ACSM3: variants seen among roughly 807,000 people sequenced by gnomAD.
ACSM3 encodes the protein acyl-coenzyme A synthetase ACSM3, mitochondrial.
ACSM3 carries 61 observed loss-of-function variants against 74.1 expected under a neutral mutation model. The ratio of observed to expected loss-of-function variants is 0.82; its 90% CI spans 0.67 to 1.02. ACSM3 has a LOEUF of 1.02. Among genes scored for constraint, ACSM3 ranks in the 50% least tolerant of loss-of-function variants. The pLI is 0.00. For synonymous variants in ACSM3, 213 were observed against 241.5 expected, an observed-to-expected ratio of 0.88 and a Z score of 1.09; for missense variants, 660 against 697.0, an observed-to-expected ratio of 0.95 and a Z score of 0.60.
At chr16:20,728,574 A>C in intron 1 of ACSM3, 4 of 476,210 alleles carry the variant, frequency 8.4e-6, no homozygotes, top group Non-Finnish European at 1.1e-5. Flanking sequence ...ATGTAACCTC[A>C]GGCAAGCAAC....
intron 1 of ACSM3, among the ~76,000 whole-genome samples, chr16:20,746,889 A>G (rs950869362): frequency 1.3e-5 from 2 of 152,138 alleles, no homozygotes; most frequent in South Asian, 2.1e-4. Flanking sequence ...TTGAGGGCCT[A>G]TGTTCTTAAG....
intron 1 of ACSM3, chr16:20,720,882 A>T (rs1188803573): frequency 1.3e-5 from 2 of 152,258 alleles, no homozygotes; most frequent in Non-Finnish European, 1.5e-5. Flanking sequence ...ATGCTGACTT[A>T]CAGATTAAAC....
chr16:20,791,943 T>A (rs1275645443), intron 10 of ACSM3, 59 bp from the exon 11 acceptor site: 20 of 1,535,062 alleles, frequency 1.3e-5, no homozygotes, highest in African/African-American at 7.0e-5. Flanking sequence ...AAAAAAAAAA[T>A]TCCAATTGAC....
intron 1 of ACSM3, chr16:20,734,713 A>C (rs1314496589): frequency 6.6e-6 from 1 of 152,196 alleles, no homozygotes; most frequent in East Asian, 1.9e-4. Context: ...TTTTACCCAA[A>C]AAGAGGCCTT....
chr16:20,741,481 G>GGGGGGGGGGGGGGCCCCC, intron 1 of ACSM3: 6 of 1,308,410 alleles, frequency 4.6e-6, no homozygotes, highest in East Asian at 3.2e-5. Context: ...CTGGCAGCCG[G>GGGGGGGGGGGGGGCCCCC]CCCGCCCGCC....
chr16:20,791,681 C>CT (rs2080600854), intron 10 of ACSM3, among the ~76,000 whole-genome samples: 1 of 152,192 alleles, frequency 6.6e-6, no homozygotes, highest in African/African-American at 2.4e-5. Context: ...AATCTCAGCA[C>CT]TTTGGGAGGC....
intron 1 of ACSM3, among the ~76,000 whole-genome samples, chr16:20,732,053 A>G (rs979452541): frequency 5.3e-5 from 8 of 152,200 alleles, no homozygotes; most frequent in African/African-American, 1.9e-4. Flanking sequence ...CACTTGACTC[A>G]TCTATCCTAG....
intron 1 of ACSM3, among the ~76,000 whole-genome samples, chr16:20,731,331 G>T (rs754306708): frequency 6.6e-6 from 1 of 152,196 alleles, no homozygotes; most frequent in Non-Finnish European, 1.5e-5. Flanking sequence ...AGCAAAGACT[G>T]CCTGTGAAAT....
chr16:20,756,239 C>T (rs2080030610), intron 3 of ACSM3, among the ~76,000 whole-genome samples: 1 of 151,914 alleles, frequency 6.6e-6, no homozygotes, highest in African/African-American at 2.4e-5. Flanking sequence ...AACTAGTTTA[C>T]AGTCCCACCA....
At chr16:20,753,542 T>G (rs1194206367) in intron 2 of ACSM3, among the ~76,000 whole-genome samples, 2 of 151,984 alleles carry the variant, frequency 1.3e-5, no homozygotes, top group Non-Finnish European at 2.9e-5. Flanking sequence ...TATGGCTTTT[T>G]CAGGTATTAA....
chr16:20,707,050 C>A (rs1418320789), intron 1 of ACSM3, among the ~76,000 whole-genome samples: 1 of 152,096 alleles, frequency 6.6e-6, no homozygotes. Context: ...AGTCACATTG[C>A]AAATCCTGAA....
At chr16:20,708,257 C>T (rs1351989195) in intron 1 of ACSM3, among the ~76,000 whole-genome samples, 4 of 152,098 alleles carry the variant, frequency 2.6e-5, no homozygotes, top group Non-Finnish European at 4.4e-5. Context: ...GCTGAGATCA[C>T]GCCACTGCAC....
chr16:20,760,788 A>T (rs1232467060), upstream of ACSM3, among the ~76,000 whole-genome samples: 2 of 152,188 alleles, frequency 1.3e-5, no homozygotes, highest in Non-Finnish European at 2.9e-5. Context: ...AGTTGATTTC[A>T]TTAATTCCTT....
chr16:20,718,014 GAAGAAGAAGAAGAAAAGA>G (rs1567323314), intron 1 of ACSM3, among the ~76,000 whole-genome samples: 1 of 146,284 alleles, frequency 6.8e-6, no homozygotes, highest in African/African-American at 2.6e-5. Context: ...AGAAGAAGAA[GAAGAAGAAGAAGAAAAGA>G]AAGAAGAAGA....
intron 1 of ACSM3, among the ~76,000 whole-genome samples, chr16:20,682,638 A>G (rs2079471190): frequency 6.6e-6 from 1 of 152,222 alleles, no homozygotes; most frequent in Admixed American, 6.5e-5. Flanking sequence ...TCAAACCTAC[A>G]GAATCAGAAT....
At chr16:20,682,894 T>C (rs1347413075) in intron 1 of ACSM3, among the ~76,000 whole-genome samples, 1 of 152,100 alleles carries the variant, frequency 6.6e-6, no homozygotes, top group Non-Finnish European at 1.5e-5. Flanking sequence ...TCATCTTGAA[T>C]GTCCCCTCTT....
chr16:20,717,700 A>G (rs905279057), intron 1 of ACSM3, among the ~76,000 whole-genome samples: 1 of 152,162 alleles, frequency 6.6e-6, no homozygotes, highest in African/African-American at 2.4e-5. Context: ...ATTTTTCTAA[A>G]AAGCACTTGG....
chr16:20,697,955 G>A (rs2079698775), intron 1 of ACSM3, among the ~76,000 whole-genome samples: 2 of 152,164 alleles, frequency 1.3e-5, no homozygotes, highest in Admixed American at 6.5e-5. Flanking sequence ...AGCACATTGG[G>A]AGGCCGAGGC....
At chr16:20,752,241 A>G (rs2079994596) in intron 2 of ACSM3, among the ~76,000 whole-genome samples, 1 of 152,056 alleles carries the variant, frequency 6.6e-6, no homozygotes, top group African/African-American at 2.4e-5. Flanking sequence ...ATGGTAGCTC[A>G]CACCTGTAAT....
Sources: allele counts gnomAD v4.1 joint callset (sites outside exome capture counted in the v4.1 genomes callset), GRCh38; gene constraint gnomAD v4.1.1; transcripts MANE v1.5; gene names NCBI Gene and HGNC (gene_info 2026-07-23, HGNC 2026-07-21).